The following RTL9 variants were observed in gnomAD, a reference collection of about 807,000 sequenced individuals.
RTL9 encodes the protein retrotransposon Gag like 9.
RTL9 carries 19 observed loss-of-function variants against 44.7 expected under a neutral mutation model. That is an observed-to-expected ratio of 0.42 (90% confidence interval 0.30 to 0.62). The LOEUF (loss-of-function observed/expected upper bound fraction) is 0.62, where lower values mean the gene tolerates loss of function less well. RTL9 is among the 20% of genes least tolerant of loss of function. The pLI is 0.16. For missense variants in RTL9, 1,105 were observed against 1,080.6 expected (o/e 1.02, Z -0.32); for synonymous variants, 407 against 398.9 (o/e 1.02, Z -0.24).
chrX:110,446,486 C>T (rs766005938), upstream of RTL9, among the ~76,000 whole-genome samples: 143 of 110,390 alleles, frequency 1.3e-3, 1 homozygote, highest in South Asian at 2.3e-3. Context: ...AGAAAGAACC[C>T]TAGGGAAACA....
At chrX:110,433,466 G>T (rs2068813585) in intron 1 of RTL9, among the ~76,000 whole-genome samples, 1 of 111,657 alleles carries the variant, frequency 9.0e-6, no homozygotes, top group Admixed American at 9.5e-5. Context: ...ACTAGGAAGG[G>T]TAATGAGGAA....
chrX:110,425,920 GCT>G (rs1278842803), intron 1 of RTL9, among the ~76,000 whole-genome samples: 2 of 112,314 alleles, frequency 1.8e-5, no homozygotes, highest in East Asian at 2.8e-4. Flanking sequence ...TTTATTGAGT[GCT>G]CTGTGTCAGC....
intron 1 of RTL9, among the ~76,000 whole-genome samples, chrX:110,394,493 T>C (rs150125159): frequency 0.027 from 3,013 of 112,562 alleles, 84 homozygotes; most frequent in African/African-American, 0.091. Flanking sequence ...TTTAGAAGTT[T>C]GGTGATATTT....
exon 1 of RTL9, chrX:110,419,062 A>G (rs1325673068): frequency 8.9e-6 from 1 of 112,053 alleles, no homozygotes; most frequent in Admixed American, 9.4e-5. Flanking sequence ...TGGAAGGCAA[A>G]GGGCCTCAGC....
chrX:110,438,169 T>G (rs928680243), intron 1 of RTL9, among the ~76,000 whole-genome samples: 1 of 111,423 alleles, frequency 9.0e-6, no homozygotes, highest in Non-Finnish European at 1.9e-5. Context: ...TCCTCCTCTC[T>G]CTTTGTCCCT....
At chrX:110,438,534 G>A (rs2068855821) in intron 1 of RTL9, among the ~76,000 whole-genome samples, 1 of 111,510 alleles carries the variant, frequency 9.0e-6, no homozygotes, top group Admixed American at 9.5e-5. Flanking sequence ...CTTAGAAGGA[G>A]GAGAGCTAAG....
chrX:110,438,308 C>T (rs1202824207), intron 1 of RTL9, among the ~76,000 whole-genome samples: 2 of 111,657 alleles, frequency 1.8e-5, no homozygotes, highest in African/African-American at 3.3e-5. Context: ...CCCTTGGGAG[C>T]GGATGGAGAG....
At chrX:110,421,603 C>T (rs2068717743) in intron 1 of RTL9, among the ~76,000 whole-genome samples, 1 of 112,667 alleles carries the variant, frequency 8.9e-6, no homozygotes, top group African/African-American at 3.2e-5. Flanking sequence ...ATCTTATTTC[C>T]ACACAAGGCA....
intron 1 of RTL9, among the ~76,000 whole-genome samples, chrX:110,376,992 C>T (rs1227320442): frequency 8.9e-6 from 1 of 111,885 alleles, no homozygotes; most frequent in Non-Finnish European, 1.9e-5. Flanking sequence ...AACCACTTCC[C>T]GCTCTAGTGC....
chrX:110,434,194 G>A (rs1240446250), intron 1 of RTL9, among the ~76,000 whole-genome samples: 2 of 111,859 alleles, frequency 1.8e-5, no homozygotes, highest in African/African-American at 6.5e-5. Context: ...ATTGTAGCTG[G>A]GTGCACCACT....
In RTL9 at chrX:110,405,311, C is replaced by G. The variant is rs141102220; in HGVS notation, c.-167-39842C>G. ...GAGGGGAACATTAAAATTGGATAACCAAGAGCTCCCAGAGAGGGCCTCAAT... is the reference window on the plus strand; with the variant it reads ...GAGGGGAACATTAAAATTGGATAACGAAGAGCTCCCAGAGAGGGCCTCAAT... On this transcript the variant is annotated intron_variant, in intron 1 of 2. Coordinates refer to the RTL9 transcript ENST00000520821. 4.2e-4 allele frequency among the ~76,000 whole-genome samples: 47 copies of G among 111,740 alleles called. No homozygotes were observed. The East Asian group carries it at 0.013, about 31-fold the overall frequency.
intron 1 of RTL9, among the ~76,000 whole-genome samples, chrX:110,435,250 C>A (rs2068830103): frequency 9.0e-6 from 1 of 111,513 alleles, no homozygotes; most frequent in African/African-American, 3.3e-5. Context: ...ACAGGACAGT[C>A]ACTTCAGCTC....
chrX:110,454,454 A>G (rs184613528), exon 1 of RTL9: 4 of 1,210,483 alleles, frequency 3.3e-6, no homozygotes, highest in Admixed American at 2.2e-5. Context: ...AAGGACTCTC[A>G]GAAGCTGTTA....
exon 1 of RTL9, chrX:110,450,855 G>A (rs770200999): frequency 8.3e-7 from 1 of 1,211,340 alleles, no homozygotes; most frequent in South Asian, 1.8e-5. Flanking sequence ...ACCTCTAATG[G>A]GAGTACCAAA....
At chrX:110,434,476 C>T (rs777923316) in intron 1 of RTL9, among the ~76,000 whole-genome samples, 34 of 111,230 alleles carry the variant, frequency 3.1e-4, no homozygotes, top group Non-Finnish European at 4.7e-4. Context: ...GCAGTGAGAG[C>T]CGAGAGGAGG....
chrX:110,397,614 G>C (rs1316518322), intron 1 of RTL9, among the ~76,000 whole-genome samples: 3 of 110,906 alleles, frequency 2.7e-5, no homozygotes, highest in Non-Finnish European at 5.7e-5. Context: ...CACTGCTGGG[G>C]ACACCACATG....
rs776491130 is a variant in RTL9 at position 110,405,099 on chromosome X, C to A, written c.-167-40054C>A. Reference sequence around the variant, plus strand: ...GTGTGCTTGTTGTGTCCCCCCCCCCCCCAAGCATGAGTCAGAGCCTTTCAT... The same window carrying A: ...GTGTGCTTGTTGTGTCCCCCCCCCCACCAAGCATGAGTCAGAGCCTTTCAT... On this transcript the variant is annotated intron_variant, in intron 1 of 2. Coordinates refer to the RTL9 transcript ENST00000520821. Among the ~76,000 whole-genome samples, 149 of 101,300 alleles carry A rather than the reference C, an allele frequency of 1.5e-3. 1 individual carries two copies. Among genetic ancestry groups the A allele is most frequent in the Middle Eastern group, 4.8e-3 (1 of 207 alleles). The allele number at this position is 101,300 out of a possible 115,157, so 88.0% of individuals were successfully genotyped here.
At chrX:110,454,187 A>G (rs753100930) in exon 1 of RTL9, 7 of 1,210,090 alleles carry the variant, frequency 5.8e-6, no homozygotes, top group South Asian at 5.3e-5. Context: ...CATTTCTGGT[A>G]TCTCTTCATC....
intron 1 of RTL9, among the ~76,000 whole-genome samples, chrX:110,438,694 GCACTGATATTAA>G (rs1569430392): frequency 9.1e-6 from 1 of 110,182 alleles, no homozygotes; most frequent in East Asian, 2.8e-4. Flanking sequence ...TTTTTTTTTA[GCACTGATATTAA>G]CATTTTTCTT....
Sources: gnomAD v4.1 joint callset for allele counts (sites outside exome capture counted in the v4.1 genomes callset) on GRCh38, gnomAD v4.1.1 for gene constraint, MANE v1.5 for transcripts, NCBI Gene and HGNC (gene_info 2026-07-23, HGNC 2026-07-21) for gene names.